The following C16orf96 variants were observed in gnomAD, a reference collection of about 807,000 sequenced individuals.
C16orf96 encodes uncharacterized protein C16orf96.
A neutral mutation model predicts 103.6 loss-of-function variants in C16orf96; 108 were observed. The observed-to-expected ratio is 1.04, with a 90% CI of 0.89 to 1.22. The LOEUF (loss-of-function observed/expected upper bound fraction) is 1.22, where lower values mean the gene tolerates loss of function less well. Among genes scored for constraint, C16orf96 ranks in the 50% most tolerant of loss-of-function variants. C16orf96 has a pLI of 0.00. For missense variants in C16orf96, 1,586 were observed against 1,464.2 expected, an observed-to-expected ratio of 1.08 and a Z score of -1.36; for synonymous variants, 566 against 593.5, an observed-to-expected ratio of 0.95 and a Z score of 0.67.
chr16:4,587,571 AGAAAG>A (rs1334427495), intron 8 of C16orf96, among the ~76,000 whole-genome samples: 1 of 151,716 alleles, frequency 6.6e-6, no homozygotes, highest in Admixed American at 6.6e-5. Context: ...AAGAAAGAAA[AGAAAG>A]GAAAACAGGA....
chr16:4,588,988 G>A (rs1896993939), intron 9 of C16orf96, among the ~76,000 whole-genome samples: 1 of 152,076 alleles, frequency 6.6e-6, no homozygotes. Context: ...TCTACTATGA[G>A]GAAGGGGCTG....
At chr16:4,578,752 A>G (rs1487265188) in intron 5 of C16orf96, among the ~76,000 whole-genome samples, 188 bp from the exon 6 acceptor site, 2 of 152,126 alleles carry the variant, frequency 1.3e-5, no homozygotes, top group Non-Finnish European at 2.9e-5. Context: ...GCGAGATTCC[A>G]TCTCAAAAAA....
In C16orf96 at chr16:4,580,044, C is replaced by A; in HGVS notation, c.2271C>A (p.Asn757Lys). 2 of 1,551,188 alleles carry A rather than the reference C, an allele frequency of 1.3e-6. No individual in the cohort carries two copies. The highest frequency in any genetic ancestry group is 1.7e-6 in the Non-Finnish European group (2 of 1,146,778). Residue 757 changes from asparagine to lysine, a missense_variant, in exon 7 of 16, where the codon AAC becomes AAA. By Grantham distance (94) the Asn-to-Lys change is moderately conservative. Coordinates refer to ENST00000444310, the MANE Select transcript of C16orf96 (RefSeq NM_001145011.2). ...AAGAACTTGAGAGAATTTGGGGCAA[C>A]CAAATAGAGATGATGAAGGATCGCT... ...KEEELERIWG[N>K]QIEMMKDRYI...
intron 1 of C16orf96, among the ~76,000 whole-genome samples, chr16:4,568,753 C>T (rs930169511): frequency 1.3e-5 from 2 of 151,552 alleles, no homozygotes. Flanking sequence ...CTCATCCTCC[C>T]AGGGACCTGG....
At chr16:4,579,420 G>C (rs968117189) in intron 6 of C16orf96, among the ~76,000 whole-genome samples, 1 of 152,016 alleles carries the variant, frequency 6.6e-6, no homozygotes, top group African/African-American at 2.4e-5. Flanking sequence ...CAGGTGTGGT[G>C]GTTTGTCCCT....
At chr16:4,585,202 C>T (rs1896892288) in intron 7 of C16orf96, among the ~76,000 whole-genome samples, 1 of 150,070 alleles carries the variant, frequency 6.7e-6, no homozygotes, top group South Asian at 2.1e-4. Flanking sequence ...CTTGTAATCC[C>T]AGCACTTTGG....
intron 2 of C16orf96, among the ~76,000 whole-genome samples, chr16:4,573,953 C>T (rs977830932): frequency 1.3e-5 from 2 of 150,868 alleles, no homozygotes; most frequent in Non-Finnish European, 3.0e-5. Flanking sequence ...CCTGCCTCAG[C>T]CTCCTGAGTA....
intron 15 of C16orf96, 107 bp downstream of exon 15, chr16:4,599,471 C>A (rs1323615169): frequency 2.2e-6 from 2 of 915,734 alleles, no homozygotes; most frequent in Admixed American, 2.1e-5. Context: ...CTCCTGTCCA[C>A]CTCCTCCACC....
chr16:4,549,283 G>A, the C16orf96 span, among the ~76,000 whole-genome samples: 1 of 151,872 alleles, frequency 6.6e-6, no homozygotes, highest in South Asian at 2.1e-4. Flanking sequence ...GACCATCCAG[G>A]CTAACACGTT....
At chr16:4,542,854 A>G in the C16orf96 span, among the ~76,000 whole-genome samples, 1 of 152,170 alleles carries the variant, frequency 6.6e-6, no homozygotes, top group African/African-American at 2.4e-5. Flanking sequence ...TTTGAAATGC[A>G]GTGTGTACTT....
At chr16:4,549,702 G>A in the C16orf96 span, among the ~76,000 whole-genome samples, 1 of 152,024 alleles carries the variant, frequency 6.6e-6, no homozygotes, top group East Asian at 1.9e-4. Flanking sequence ...GGAGGCTGAG[G>A]CAGGAGAATC....
Position 4,596,683 on chromosome 16 carries a change from AAAAC to A in C16orf96, c.3127+1900_3127+1903del, listed in dbSNP as rs139039238. 2.5e-4 allele frequency among the ~76,000 whole-genome samples: 37 copies of A among 150,834 alleles called. 1 individual carries two copies. Among genetic ancestry groups the A allele is most frequent in the African/African-American group, 5.9e-4 (24 of 40,998 alleles). On this transcript the variant is annotated intron_variant, in intron 14 of 15. Coordinates refer to ENST00000444310, the MANE Select transcript of C16orf96 (RefSeq NM_001145011.2). Reference sequence around the variant, plus strand: ...GGCGACAGAGCCAGGCCCTGTCTCAAAAACAAACAAACAAACAAACAAAAACAGA... The same window carrying A: ...GGCGACAGAGCCAGGCCCTGTCTCAAAAACAAACAAACAAACAAAAACAGA...
the C16orf96 span, among the ~76,000 whole-genome samples, chr16:4,545,350 G>A: frequency 6.6e-6 from 1 of 152,132 alleles, no homozygotes; most frequent in African/African-American, 2.4e-5. Context: ...GGGACTACAG[G>A]TGCATGCAAC....
intron 10 of C16orf96, 73 bp from the exon 11 acceptor site, chr16:4,592,232 C>T (rs553050724): frequency 1.3e-6 from 2 of 1,539,352 alleles, no homozygotes; most frequent in East Asian, 2.4e-5. Context: ...CCCTGGGGCT[C>T]TGGCTGGCTG....
Position 4,575,912 on chromosome 16 carries a change from G to T in C16orf96, c.1432G>T (p.Ala478Ser), listed in dbSNP as rs1167590540. The T allele has an allele frequency of 5.2e-6, 8 of 1,551,454 alleles. No homozygotes were observed. Among genetic ancestry groups the T allele is most frequent in the Middle Eastern group, 1.7e-4 (1 of 6,014 alleles). ...TCGGGAGAGGGCCCGCAAGGATGGG[G>T]CCCCCAAGGATAGAACTCGCAAGGA... ...GLRERARKDG[A>S]PKDRTRKDGV... Residue 478 changes from alanine to serine, a missense_variant, in exon 5 of 16, where the codon GCC becomes TCC. By Grantham distance (99) the Ala-to-Ser change is moderately conservative. Coordinates refer to ENST00000444310, the MANE Select transcript of C16orf96 (RefSeq NM_001145011.2).
the C16orf96 span, among the ~76,000 whole-genome samples, chr16:4,550,764 G>C: frequency 3.7e-4 from 57 of 152,340 alleles, 1 homozygote; most frequent in Middle Eastern, 0.01. Flanking sequence ...TGCCCAAGCT[G>C]CTCTCCTGGC....
upstream of C16orf96, among the ~76,000 whole-genome samples, chr16:4,555,217 C>G (rs1205014146): frequency 1.3e-5 from 2 of 150,114 alleles, no homozygotes; most frequent in African/African-American, 4.9e-5. Context: ...GAGCGGAGAT[C>G]GCGCCACTGC....
rs1897112832 is a variant in C16orf96, at chr16:4,593,829, G to A, written c.2867+513G>A. On this transcript the variant is annotated intron_variant, in intron 12 of 15. Transcript: ENST00000444310. The surrounding 1 kb of genome is among the most constrained non-coding windows in gnomAD (Gnocchi z 4.2). Reference sequence around the variant, plus strand: ...CTGCAGTGACCTGCCCAAGGTCACTGCTAGCAAGTCCAGGGCTGATGTCCA... The same window carrying A: ...CTGCAGTGACCTGCCCAAGGTCACTACTAGCAAGTCCAGGGCTGATGTCCA... 6.6e-6 allele frequency among the ~76,000 whole-genome samples: 1 copy of A among 152,148 alleles called. No individual in the cohort carries two copies. Among genetic ancestry groups the A allele is most frequent in the African/African-American group, 2.4e-5 (1 of 41,422 alleles).
intron 9 of C16orf96, among the ~76,000 whole-genome samples, chr16:4,590,494 G>T (rs191374581): frequency 1.4e-4 from 21 of 151,924 alleles, no homozygotes; most frequent in Admixed American, 1.3e-3. Flanking sequence ...GGGAGGTGGA[G>T]GTTGCAGTGA....
Sources: gnomAD v4.1 joint callset for allele counts (sites outside exome capture counted in the v4.1 genomes callset) on GRCh38, gnomAD v4.1.1 for gene constraint, Gnocchi (gnomAD v3.1) non-coding constraint, MANE v1.5 for transcripts, NCBI Gene and HGNC (gene_info 2026-07-23, HGNC 2026-07-21) for gene names.